MED24: variants seen among roughly 807,000 people sequenced by gnomAD.
MED24 encodes mediator complex subunit 24, also known as mediator of RNA polymerase II transcription subunit 24.
Under a neutral mutation model 118.8 loss-of-function variants are expected in MED24, and 74 were observed. The observed-to-expected ratio is 0.62, with a 90% CI of 0.52 to 0.76. The LOEUF is 0.76. Among genes scored for constraint, MED24 ranks in the 30% least tolerant of loss-of-function variants. The pLI, the probability that MED24 is intolerant of heterozygous loss-of-function variation, is 0.00. For missense variants in MED24, 1,041 were observed against 1,278.9 expected (o/e 0.81, Z 2.84); for synonymous variants, 521 against 523.9 (o/e 0.99, Z 0.08).
Position 40,019,893 on chromosome 17 carries a change from G to T in MED24, c.2745C>A (p.Arg915=). 2 of 1,577,502 alleles carry T rather than the reference G, an allele frequency of 1.3e-6. No homozygotes were observed. The highest frequency in any genetic ancestry group is 8.6e-7 in the Non-Finnish European group (1 of 1,160,790). Residue 915 remains arginine (R), a synonymous_variant, in exon 25 of 26, where the codon CGC becomes CGA. Coordinates refer to ENST00000394128, the MANE Select transcript of MED24 (RefSeq NM_014815.4). ...CGAACTGGGTGTGGGGGCCAGCGGT[G>T]CGAGACCCCAGGATGGAGGAGATGA... ...FLLISSILGS[R]TAGPHTQFVQ...
chr17:40,022,306 C>T, intron 22 of MED24, 88 bp downstream of exon 22: 1 of 1,380,106 alleles, frequency 7.2e-7, no homozygotes. Flanking sequence ...GGGGCCACAA[C>T]TGCTTCCCTT....
rs1983587124 is a variant in MED24 at position 40,033,239 on chromosome 17, G to A, written c.672-33C>T. The A allele has an allele frequency of 6.2e-7, 1 of 1,612,768 alleles. No homozygotes were observed. Among genetic ancestry groups the A allele is most frequent in the Non-Finnish European group, 8.5e-7 (1 of 1,179,880 alleles). ...GTCACAAACACAGGGGACGGTGTTT[G>A]GGGGGCCAAAGGTGAAGGCGGAGAG... On this transcript the variant is annotated intron_variant, in intron 7 of 25. Transcript: ENST00000394128. This position sits in a 1 kb window ranked among gnomAD's most constrained non-coding sequence, Gnocchi z 5.2.
intron 13 of MED24, among the ~76,000 whole-genome samples, chr17:40,029,271 T>A (rs1983088810): frequency 6.6e-6 from 1 of 152,190 alleles, no homozygotes. Flanking sequence ...CGATCTTGGC[T>A]CACTGCAACC....
intron 10 of MED24, 65 bp downstream of exon 10, chr17:40,031,978 C>G (rs1983440941): frequency 1.9e-6 from 3 of 1,543,068 alleles, no homozygotes; most frequent in Non-Finnish European, 1.8e-6. Context: ...CCAGCTGGGG[C>G]CTGAAGGACC....
intron 22 of MED24, 103 bp from the exon 23 acceptor site, chr17:40,022,157 A>G (rs1982098189): frequency 7.0e-6 from 7 of 1,001,496 alleles, no homozygotes; most frequent in Non-Finnish European, 1.0e-5. Context: ...CAGCATGGCT[A>G]GCAGGGCCTC....
At position 40,041,350 on chromosome 17, in the gene MED24, C is replaced by T. The variant is rs181757870; in HGVS notation, c.214-5196G>A. Among the ~76,000 whole-genome samples the T allele has an allele frequency of 9.1e-3, 1,384 of 152,222 alleles. 18 individuals carry two copies. The highest frequency in any genetic ancestry group is 0.032 in the African/African-American group (1,325 of 41,530). ...CTTCAGACTCCTATGAGGAATTATCCTCCTAAGTGTGTTCCTTAAATGAGA... is the reference window on the plus strand; with the variant it reads ...CTTCAGACTCCTATGAGGAATTATCTTCCTAAGTGTGTTCCTTAAATGAGA... On this transcript the variant is annotated intron_variant, in intron 3 of 25. Transcript: ENST00000394128.
intron 16 of MED24, 168 bp downstream of exon 16, chr17:40,027,215 A>G: frequency 9.3e-7 from 1 of 1,079,636 alleles, no homozygotes; most frequent in Non-Finnish European, 1.3e-6. Context: ...CAATGTGAAC[A>G]TAGGGCTGAA....
In MED24 at chr17:40,020,069, G is replaced by C. The variant is rs962024078; in HGVS notation, c.2705-136C>G. The C allele has an allele frequency of 9.1e-6, 11 of 1,203,052 alleles. No homozygotes were observed. The African/African-American group carries it at 1.2e-4, about 13-fold the overall frequency. 74.5% of individuals were successfully genotyped at this position (1,203,052 alleles called of 1,614,324 possible). A position where few individuals can be genotyped will look rare whatever the true frequency, so the allele number is the denominator to read the frequency against. On this transcript the variant is annotated intron_variant, in intron 24 of 25. Coordinates refer to ENST00000394128, the MANE Select transcript of MED24 (RefSeq NM_014815.4). ...TCCCCAAAATGGGGTGTCAGAGAGA[G>C]AAAATATAAAAGGCAATTGGGGAGG...
At chr17:40,032,542 TG>T in intron 9 of MED24, 106 bp downstream of exon 9, 2 of 788,242 alleles carry the variant, frequency 2.5e-6, no homozygotes, top group Non-Finnish European at 4.1e-6. Context: ...CCTGGCAGGC[TG>T]GGCCCAGTGC....
chr17:40,035,822 C>T (rs376792850), intron 4 of MED24, 27 bp from the exon 5 acceptor site: 857 of 1,600,980 alleles, frequency 5.4e-4, no homozygotes, highest in Non-Finnish European at 6.9e-4. Context: ...GGAGATGCTA[C>T]GGAATGCCTC....
At chr17:40,028,752 C>T (rs1983017823) in intron 14 of MED24, 74 bp downstream of exon 14, 47 of 1,579,550 alleles carry the variant, frequency 3.0e-5, no homozygotes, top group Non-Finnish European at 4.0e-5. Context: ...AGGCACCTGA[C>T]TCCTACCCTG....
intron 21 of MED24, 36 bp from the exon 22 acceptor site, chr17:40,022,520 A>G: frequency 2.5e-6 from 4 of 1,593,722 alleles, no homozygotes; most frequent in Non-Finnish European, 3.4e-6. Context: ...GGACAGTGAG[A>G]GGTGCCCCAG....
rs777772612 is a variant in MED24 at position 40,035,361 on chromosome 17, G to A, written c.327-12C>T. ...CTTTGCCGTGACAGCTACAGGGAAGGATGCAAAATCAGACTCTGTTCTTCC... is the reference window on the plus strand; with the variant it reads ...CTTTGCCGTGACAGCTACAGGGAAGAATGCAAAATCAGACTCTGTTCTTCC... On this transcript the variant is annotated splice_polypyrimidine_tract_variant and intron_variant, in intron 5 of 25. Transcript: ENST00000394128. 50 of 1,566,528 alleles carry A rather than the reference G, an allele frequency of 3.2e-5. 1 individual carries two copies. The South Asian group carries it at 5.9e-4, about 18-fold the overall frequency.
chr17:40,040,357 G>A (rs1007250242), intron 3 of MED24, among the ~76,000 whole-genome samples: 2 of 152,008 alleles, frequency 1.3e-5, no homozygotes, highest in Admixed American at 6.6e-5. Context: ...GATTACAAGC[G>A]TGAGCCACTG....
intron 3 of MED24, among the ~76,000 whole-genome samples, chr17:40,046,413 A>G (rs1444362978): frequency 1.3e-5 from 2 of 150,414 alleles, no homozygotes; most frequent in Non-Finnish European, 2.9e-5. Context: ...AAAAAAATAT[A>G]TATGTGTCAA....
Position 40,053,527 on chromosome 17 carries a change from T to C in MED24, c.72A>G (p.Ala24=), listed in dbSNP as rs755606009. The C allele has an allele frequency of 5.6e-6, 9 of 1,614,226 alleles. No homozygotes were observed. Among genetic ancestry groups the C allele is most frequent in the Non-Finnish European group, 7.6e-6 (9 of 1,180,044 alleles). The change falls in exon 2 of 26, where the codon GCA becomes GCG. Residue 24 remains alanine (A), a synonymous_variant. Transcript: ENST00000394128. ...TAGGAAAGAATTTCTTCATGTTGAT[T>C]GCCCATTGGTAGTCACTCCAGCGCT... ...WKERWSDYQW[A]INMKKFFPKG...
In MED24 at chr17:40,023,278, C is replaced by T. The variant is rs367810712; in HGVS notation, c.2103G>A (p.Leu701=). The change falls in exon 20 of 26, where the codon CTG becomes CTA. Residue 701 remains leucine, a synonymous_variant. Transcript: ENST00000394128. ...CCTCTTTGATGGGCCGCTTGGGGGG[C>T]AGCAGGTTCCAGTAGGGCATTGTGT... ...GVDTMPYWNL[L]PPKRPIKEVL... is the part of the protein sequence containing the mutation. 5 of 1,614,024 alleles carry T rather than the reference C, an allele frequency of 3.1e-6. No individual in the cohort carries two copies. The highest frequency in any genetic ancestry group is 1.1e-5 in the South Asian group (1 of 91,082).
chr17:40,020,030 A>G (rs1233087554), intron 24 of MED24, 97 bp from the exon 25 acceptor site: 2 of 1,432,088 alleles, frequency 1.4e-6, no homozygotes, highest in Non-Finnish European at 1.9e-6. Flanking sequence ...GAAAAGAAAC[A>G]CATGCTGAGC....
intron 3 of MED24, among the ~76,000 whole-genome samples, chr17:40,037,269 T>C (rs1191330004): frequency 6.9e-6 from 1 of 145,384 alleles, no homozygotes; most frequent in Non-Finnish European, 1.5e-5. Flanking sequence ...TAAGTTTTAC[T>C]GTACAAACTC....
Sources: gnomAD v4.1 joint callset for allele counts (sites outside exome capture counted in the v4.1 genomes callset) on GRCh38, gnomAD v4.1.1 for gene constraint, Gnocchi (gnomAD v3.1) non-coding constraint, MANE v1.5 for transcripts, NCBI Gene and HGNC (gene_info 2026-07-23, HGNC 2026-07-21) for gene names.